Variants in NNT observed in about 807,000 individuals in gnomAD.
The protein encoded by NNT is nicotinamide nucleotide transhydrogenase.
Under a neutral mutation model 104.8 loss-of-function variants are expected in NNT, and 50 were observed. That is an observed-to-expected ratio of 0.48 (90% CI 0.38 to 0.60). The LOEUF is 0.60. Ranked by LOEUF, NNT falls within the 20% of genes least tolerant of loss-of-function variation. The pLI is 0.00. For synonymous variants in NNT, 461 were observed against 490.4 expected, an observed-to-expected ratio of 0.94 and a Z score of 0.79; for missense variants, 1,131 against 1,330.7, an observed-to-expected ratio of 0.85 and a Z score of 2.33.
At chr5:43,620,408 G>C (rs958831554) in intron 5 of NNT, among the ~76,000 whole-genome samples, 5 of 151,902 alleles carry the variant, frequency 3.3e-5, no homozygotes, top group Non-Finnish European at 7.4e-5. Flanking sequence ...TTTTAGTAGA[G>C]ACGGGGTTTC....
intron 5 of NNT, among the ~76,000 whole-genome samples, chr5:43,621,028 A>G (rs916756766): frequency 6.6e-6 from 1 of 152,260 alleles, no homozygotes; most frequent in Non-Finnish European, 1.5e-5. Context: ...CTTTGGTTAC[A>G]TGACAGAAAT....
At chr5:43,630,232 C>T (rs1167701809) in intron 7 of NNT, among the ~76,000 whole-genome samples, 1 of 152,126 alleles carries the variant, frequency 6.6e-6, no homozygotes, top group Non-Finnish European at 1.5e-5. Context: ...GATGTATGTA[C>T]AATATTATAT....
At chr5:43,656,623 G>C (rs1317199094) in intron 15 of NNT, 30 bp from the exon 16 acceptor site, 8 of 1,571,554 alleles carry the variant, frequency 5.1e-6, no homozygotes, top group Non-Finnish European at 6.9e-6. Context: ...AACACATTCT[G>C]AATTGTAACT....
chr5:43,618,272 G>T (rs1304107436), intron 4 of NNT, among the ~76,000 whole-genome samples: 1 of 152,152 alleles, frequency 6.6e-6, no homozygotes, highest in African/African-American at 2.4e-5. Flanking sequence ...AAAGATAGAT[G>T]CTTTTTGTCC....
At chr5:43,697,165 C>T (rs1742600219) in intron 19 of NNT, among the ~76,000 whole-genome samples, 1 of 152,198 alleles carries the variant, frequency 6.6e-6, no homozygotes, top group South Asian at 2.1e-4. Context: ...ACAGCACCCA[C>T]GTCAGCTCTT....
At chr5:43,659,432 T>C (rs1413441077) in intron 17 of NNT, 82 bp downstream of exon 17, 48 of 1,181,862 alleles carry the variant, frequency 4.1e-5, no homozygotes, top group Non-Finnish European at 5.4e-5. Flanking sequence ...TTATTACCCA[T>C]AAAAATGAAT....
intron 19 of NNT, among the ~76,000 whole-genome samples, chr5:43,694,491 G>A (rs144570380): frequency 6.6e-6 from 1 of 152,236 alleles, no homozygotes; most frequent in South Asian, 2.1e-4. Context: ...TAACATGAAG[G>A]GATATTGAAT....
chr5:43,704,411 A>G lies in NNT; in HGVS notation c.*7A>G. ...AGAATCCTATCAGAAGTAAATATTA[A>G]GGATCAAGCTGTTAGCTAATAATGC... On this transcript the variant is annotated 3_prime_UTR_variant, in exon 22 of 22. Coordinates refer to ENST00000344920, the MANE Select transcript of NNT (RefSeq NM_182977.3). 1.2e-6 allele frequency: 2 copies of G among 1,613,404 alleles called. No individual in the cohort carries two copies. Among genetic ancestry groups the G allele is most frequent in the Non-Finnish European group, 1.7e-6 (2 of 1,179,506 alleles).
At chr5:43,702,600 C>T (rs189763822) in intron 20 of NNT, 21 bp from the exon 21 acceptor site, 5 of 1,459,150 alleles carry the variant, frequency 3.4e-6, no homozygotes, top group African/African-American at 1.4e-5. Flanking sequence ...TATATTCTTT[C>T]TTTTTTGTTT....
At chr5:43,701,549 G>T (rs997158294) in intron 20 of NNT, among the ~76,000 whole-genome samples, 1 of 152,250 alleles carries the variant, frequency 6.6e-6, no homozygotes, top group Non-Finnish European at 1.5e-5. Flanking sequence ...GAACATGCTA[G>T]TGAATGTGTC....
chr5:43,610,309 C>G (rs1248407452), intron 2 of NNT, among the ~76,000 whole-genome samples: 1 of 150,790 alleles, frequency 6.6e-6, no homozygotes, highest in Admixed American at 6.6e-5. Flanking sequence ...TCCCCCAAGT[C>G]AACTCTCTTT....
Position 43,705,360 on chromosome 5 carries a change from G to A in NNT, c.*956G>A, listed in dbSNP as rs943430028. 6 of 151,838 alleles carry A rather than the reference G, an allele frequency of 4.0e-5. No individual in the cohort carries two copies. The highest frequency in any genetic ancestry group is 1.9e-4 in the East Asian group (1 of 5,182). 9.4% of individuals were successfully genotyped at this position (151,838 alleles called of 1,614,324 possible). ...AATCTGTCTTCACTGTTTATAATAC[G>A]GATGGATTTTTTTTCAAATCAGTGT... On this transcript the variant is annotated 3_prime_UTR_variant, in exon 22 of 22. Transcript: ENST00000344920.
intron 4 of NNT, among the ~76,000 whole-genome samples, chr5:43,616,743 C>A (rs1022306968): frequency 1.3e-5 from 2 of 152,036 alleles, no homozygotes; most frequent in African/African-American, 4.8e-5. Flanking sequence ...AGTAATCATG[C>A]CTGCCATGGG....
At chr5:43,689,976 A>G (rs868579161) in intron 19 of NNT, among the ~76,000 whole-genome samples, 2 of 152,140 alleles carry the variant, frequency 1.3e-5, no homozygotes, top group South Asian at 4.1e-4. Context: ...AGAAAAAAGC[A>G]TTAAAAAAAA....
intron 15 of NNT, 115 bp downstream of exon 15, chr5:43,656,188 A>G (rs1366723960): frequency 3.3e-5 from 29 of 881,652 alleles, no homozygotes; most frequent in Non-Finnish European, 4.7e-5. Context: ...CATGCCTGCA[A>G]TCCAGCACTT....
At chr5:43,620,001 C>A (rs561943755) in intron 5 of NNT, among the ~76,000 whole-genome samples, 11 of 152,086 alleles carry the variant, frequency 7.2e-5, no homozygotes, top group Admixed American at 5.9e-4. Context: ...CTCAGCCCCC[C>A]ACTCCCAGGG....
intron 17 of NNT, among the ~76,000 whole-genome samples, chr5:43,668,009 C>T (rs1448848343): frequency 6.6e-6 from 1 of 152,208 alleles, no homozygotes; most frequent in Non-Finnish European, 1.5e-5. Context: ...TTACATTTCT[C>T]TGATGGCCAG....
chr5:43,650,188 G>A (rs1038506466), intron 11 of NNT, among the ~76,000 whole-genome samples: 1 of 152,156 alleles, frequency 6.6e-6, no homozygotes, highest in Admixed American at 6.5e-5. Context: ...GAGGAACATC[G>A]CTAGAAAGTT....
chr5:43,618,392 A>C (rs1205727454), intron 4 of NNT, among the ~76,000 whole-genome samples: 1 of 152,218 alleles, frequency 6.6e-6, no homozygotes, highest in Non-Finnish European at 1.5e-5. Flanking sequence ...AGTATATCGG[A>C]AAATCCCATA....
Sources: allele counts gnomAD v4.1 joint callset (sites outside exome capture counted in the v4.1 genomes callset), GRCh38; gene constraint gnomAD v4.1.1; transcripts MANE v1.5; gene names NCBI Gene and HGNC (gene_info 2026-07-23, HGNC 2026-07-21).